The following SUFU variants were observed in gnomAD, a reference collection of about 807,000 sequenced individuals.
SUFU encodes the protein SUFU negative regulator of hedgehog signaling, also known as suppressor of fused homolog.
Under a neutral mutation model 58.9 loss-of-function variants are expected in SUFU, and 7 were observed. That is an observed-to-expected ratio of 0.12 (90% CI 0.07 to 0.22). The LOEUF is 0.22. SUFU is among the 10% of genes least tolerant of loss of function. The pLI is 1.00. For synonymous variants in SUFU, 232 were observed against 254.8 expected (o/e 0.91, Z 0.85); for missense variants, 451 against 641.3 (o/e 0.70, Z 3.20).
chr10:102,557,905 ATT>A (rs757378999), intron 3 of SUFU, among the ~76,000 whole-genome samples: 7 of 143,360 alleles, frequency 4.9e-5, no homozygotes, highest in Middle Eastern at 3.7e-3. Flanking sequence ...TTTTTTACTG[ATT>A]TTTTTTTTTT....
chr10:102,504,986 T>C (rs1487529501), intron 1 of SUFU, among the ~76,000 whole-genome samples: 1 of 152,198 alleles, frequency 6.6e-6, no homozygotes, highest in African/African-American at 2.4e-5. Context: ...TTGCTTACTC[T>C]GCACTGTTCT....
intron 3 of SUFU, among the ~76,000 whole-genome samples, chr10:102,561,490 C>T (rs2063036764): frequency 6.6e-6 from 1 of 152,146 alleles, no homozygotes; most frequent in South Asian, 2.1e-4. Context: ...CTGCCTCAGC[C>T]TCCTGAGTAG....
At chr10:102,616,106 A>C (rs866089285) in intron 9 of SUFU, among the ~76,000 whole-genome samples, 7 of 152,020 alleles carry the variant, frequency 4.6e-5, no homozygotes, top group African/African-American at 1.7e-4. Flanking sequence ...CAAAACACTC[A>C]GTTCTAAAAC....
rs1473331249 is a variant in SUFU at position 102,619,459 on chromosome 10, C to T, written c.1296+2031C>T. The T allele has an allele frequency of 1.5e-5, 19 of 1,281,700 alleles. No homozygotes were observed. Among genetic ancestry groups the T allele is most frequent in the Non-Finnish European group, 1.8e-5 (18 of 1,005,312 alleles). 79.4% of individuals were successfully genotyped at this position (1,281,700 alleles called of 1,614,324 possible). A position where few individuals can be genotyped will look rare whatever the true frequency, so the allele number is the denominator to read the frequency against. Reference sequence around the variant, plus strand: ...AATAAAGTTGCTGTGCTGGGAGCTACTCAATCAAAGGCCTGTGTTATGGGC... The same window carrying T: ...AATAAAGTTGCTGTGCTGGGAGCTATTCAATCAAAGGCCTGTGTTATGGGC... On this transcript the variant is annotated intron_variant, in intron 10 of 11. Coordinates refer to ENST00000369902, the MANE Select transcript of SUFU (RefSeq NM_016169.4). This position sits in a 1 kb window ranked among gnomAD's most constrained non-coding sequence, Gnocchi z 4.2.
chr10:102,558,485 A>G (rs965463065), intron 3 of SUFU, among the ~76,000 whole-genome samples: 15 of 152,216 alleles, frequency 9.9e-5, no homozygotes, highest in Admixed American at 2.0e-4. Flanking sequence ...TGCTAGGACT[A>G]CACATGCGAG....
intron 9 of SUFU, 133 bp downstream of exon 9, chr10:102,615,535 TGCTTCCC>T (rs2063677454): frequency 7.4e-7 from 1 of 1,359,672 alleles, no homozygotes; most frequent in African/African-American, 1.4e-5. Flanking sequence ...ACCAGGCCCG[TGCTTCCC>T]GTCTCCCTGT....
At chr10:102,519,540 A>AC (rs1308640540) in intron 2 of SUFU, among the ~76,000 whole-genome samples, 1 of 151,274 alleles carries the variant, frequency 6.6e-6, no homozygotes, top group Non-Finnish European at 1.5e-5. Flanking sequence ...AAAAAAAAAA[A>AC]AAAAGTCTTC....
chr10:102,558,916 G>C (rs557747205), intron 3 of SUFU, among the ~76,000 whole-genome samples: 48 of 152,220 alleles, frequency 3.2e-4, no homozygotes, highest in Non-Finnish European at 5.1e-4. Context: ...CCTGACCAGA[G>C]TGGCCTAACA....
chr10:102,525,525 T>C (rs2062599694), intron 2 of SUFU, among the ~76,000 whole-genome samples: 1 of 147,462 alleles, frequency 6.8e-6, no homozygotes, highest in Non-Finnish European at 1.5e-5. Context: ...GATGGACCCT[T>C]GCTCTGTCGC....
chr10:102,568,210 A>T (rs577925702), intron 3 of SUFU, among the ~76,000 whole-genome samples: 14 of 69,656 alleles, frequency 2.0e-4, no homozygotes, highest in African/African-American at 5.1e-4. Flanking sequence ...ATTTTTACTT[A>T]AAAAAAAAAA....
intron 2 of SUFU, among the ~76,000 whole-genome samples, chr10:102,531,811 A>T (rs1366840911): frequency 6.6e-6 from 1 of 152,190 alleles, no homozygotes. Flanking sequence ...AGTGGGATCC[A>T]AGAACCTAGA....
At chr10:102,513,382 A>G (rs1294497459) in intron 2 of SUFU, among the ~76,000 whole-genome samples, 1 of 152,208 alleles carries the variant, frequency 6.6e-6, no homozygotes, top group African/African-American at 2.4e-5. Flanking sequence ...TCTTCAGCAA[A>G]AAAGGAGCAG....
At chr10:102,582,559 C>A (rs1216800947) in intron 3 of SUFU, among the ~76,000 whole-genome samples, 2 of 152,042 alleles carry the variant, frequency 1.3e-5, no homozygotes, top group African/African-American at 2.4e-5. Context: ...CTGTTCAGCA[C>A]CCCCCACGTT....
chr10:102,609,286 G>A (rs2063596834), intron 8 of SUFU, among the ~76,000 whole-genome samples: 1 of 148,598 alleles, frequency 6.7e-6, no homozygotes, highest in South Asian at 2.1e-4. Context: ...GCTCAATAAA[G>A]ATGTCTCTTA....
chr10:102,580,592 A>G (rs1418877663), intron 3 of SUFU, among the ~76,000 whole-genome samples: 1 of 152,106 alleles, frequency 6.6e-6, no homozygotes, highest in Non-Finnish European at 1.5e-5. Flanking sequence ...TTACCAGGAA[A>G]AGTCAGTGTT....
intron 2 of SUFU, among the ~76,000 whole-genome samples, chr10:102,549,661 A>G (rs2062891034): frequency 6.6e-6 from 1 of 152,224 alleles, no homozygotes; most frequent in South Asian, 2.1e-4. Flanking sequence ...TGTTGCCTCA[A>G]TCATCCAGGA....
At chr10:102,508,502 G>A (rs1210647159) in intron 1 of SUFU, among the ~76,000 whole-genome samples, 7 of 152,150 alleles carry the variant, frequency 4.6e-5, no homozygotes, top group Admixed American at 1.3e-4. Flanking sequence ...CTCACAGGGC[G>A]CAGTTTGACT....
chr10:102,602,523 C>T (rs1365937203), intron 8 of SUFU, among the ~76,000 whole-genome samples: 1 of 152,192 alleles, frequency 6.6e-6, no homozygotes. Context: ...TGCCATGAGC[C>T]TTGATGATTC....
At chr10:102,503,527 G>T (rs1269927131), upstream of SUFU, among the ~76,000 whole-genome samples, 1 of 152,020 alleles carries the variant, frequency 6.6e-6, no homozygotes, top group Admixed American at 6.5e-5. Context: ...TTTTTCTCTG[G>T]ATTATGTTCT....
Sources: gnomAD v4.1 joint callset for allele counts (sites outside exome capture counted in the v4.1 genomes callset) on GRCh38, gnomAD v4.1.1 for gene constraint, Gnocchi (gnomAD v3.1) non-coding constraint, MANE v1.5 for transcripts, NCBI Gene and HGNC (gene_info 2026-07-23, HGNC 2026-07-21) for gene names.